Variants in MAP7 observed in about 807,000 individuals in gnomAD.
The protein encoded by MAP7 is microtubule associated protein 7.
MAP7 carries 52 observed loss-of-function variants against 94.8 expected under a neutral mutation model. The ratio of observed to expected loss-of-function variants is 0.55; its 90% confidence interval spans 0.44 to 0.69. The LOEUF (loss-of-function observed/expected upper bound fraction) is 0.69, where lower values mean the gene tolerates loss of function less well. Ranked by LOEUF, MAP7 falls within the 30% of genes least tolerant of loss-of-function variation. MAP7 has a pLI of 0.00. For synonymous variants in MAP7, 350 were observed against 357.0 expected, an observed-to-expected ratio of 0.98 and a Z score of 0.22; for missense variants, 940 against 964.6, an observed-to-expected ratio of 0.97 and a Z score of 0.34.
intron 1 of MAP7, among the ~76,000 whole-genome samples, chr6:136,469,039 T>C (rs2192): frequency 0.049 from 7,444 of 152,074 alleles, 251 homozygotes; most frequent in Non-Finnish European, 0.071. Context: ...GAAAAACAGC[T>C]GAATGACAAC....
At position 136,365,782 on chromosome 6, in the gene MAP7, T is replaced by G; in HGVS notation, c.1226A>C (p.Glu409Ala). 3.1e-6 allele frequency: 5 copies of G among 1,614,132 alleles called. No homozygotes were observed. Among genetic ancestry groups the G allele is most frequent in the Non-Finnish European group, 4.2e-6 (5 of 1,180,022 alleles). ...AGGTGTCCGCTCTTCAACTGTGGCT[T>G]CTTCTACCTTCACTAAAGGTGCTCT... Reference protein sequence around the residue: ...KGRAPLVKVEEATVEERTPAE... With the variant: ...KGRAPLVKVEAATVEERTPAE... Residue 409 changes from glutamate (E) to alanine (A), a missense_variant, in exon 10 of 18, where the codon GAA becomes GCA. Coordinates refer to ENST00000354570, the MANE Select transcript of MAP7 (RefSeq NM_003980.6).
intron 1 of MAP7, among the ~76,000 whole-genome samples, chr6:136,514,580 C>CAAAAAAAAAAAAAAA (rs1046225937): frequency 1.8e-4 from 9 of 49,050 alleles, no homozygotes; most frequent in African/African-American, 5.2e-4. Flanking sequence ...GACTCTGTCT[C>CAAAAAAAAAAAAAAA]AAAAAAAAAA....
intron 16 of MAP7, among the ~76,000 whole-genome samples, chr6:136,346,941 T>C (rs1787870712): frequency 1.3e-5 from 2 of 152,214 alleles, no homozygotes; most frequent in Non-Finnish European, 2.9e-5. Context: ...TAATTTCATA[T>C]GTAAATTTTT....
At position 136,343,956 on chromosome 6, in the gene MAP7, A is replaced by G. The variant is rs1169952548; in HGVS notation, c.*272T>C. 2.9e-5 allele frequency: 7 copies of G among 242,164 alleles called. No homozygotes were observed. Among genetic ancestry groups the G allele is most frequent in the Non-Finnish European group, 5.5e-5 (7 of 127,214 alleles). The allele number at this position is 242,164 out of a possible 1,614,324, so 15.0% of individuals were successfully genotyped here. A position where few individuals can be genotyped will look rare whatever the true frequency, so the allele number is the denominator to read the frequency against. ...AATTCTCTTGTCTTTTAAAGAATGC[A>G]GAAAAATATTGATTGCTAAGAAGGA... is the stretch of plus-strand genomic sequence containing the variant. On this transcript the variant is annotated 3_prime_UTR_variant, in exon 18 of 18. Coordinates refer to ENST00000354570, the MANE Select transcript of MAP7 (RefSeq NM_003980.6).
At chr6:136,383,819 A>T (rs374864642) in intron 5 of MAP7, 38 bp from the exon 6 acceptor site, 1 of 1,249,642 alleles carries the variant, frequency 8.0e-7, no homozygotes. Flanking sequence ...GACAGCCAAC[A>T]TGTAGGATTG....
intron 1 of MAP7, among the ~76,000 whole-genome samples, chr6:136,549,017 A>G (rs538722751): frequency 1.3e-5 from 2 of 152,380 alleles, no homozygotes; most frequent in Admixed American, 1.3e-4. Context: ...CCCTACAGGA[A>G]GGAGCATGAC....
At chr6:136,503,885 T>C (rs1437483479) in intron 1 of MAP7, among the ~76,000 whole-genome samples, 1 of 152,224 alleles carries the variant, frequency 6.6e-6, no homozygotes, top group Non-Finnish European at 1.5e-5. Flanking sequence ...TATATTTGCA[T>C]ATATGCTAAA....
chr6:136,387,874 AT>A (rs1779600628), intron 5 of MAP7, among the ~76,000 whole-genome samples: 1 of 152,194 alleles, frequency 6.6e-6, no homozygotes, highest in Admixed American at 6.5e-5. Flanking sequence ...TTTCAATATG[AT>A]TTTATGTCCA....
intron 1 of MAP7, among the ~76,000 whole-genome samples, chr6:136,467,297 G>T (rs1485814617): frequency 3.3e-5 from 5 of 152,202 alleles, no homozygotes; most frequent in Admixed American, 1.3e-4. Flanking sequence ...GGTTATGGCT[G>T]ATTTTGTTTC....
chr6:136,470,009 T>C (rs1211933378), intron 1 of MAP7, among the ~76,000 whole-genome samples: 4 of 151,336 alleles, frequency 2.6e-5, no homozygotes, highest in Admixed American at 1.3e-4. Flanking sequence ...GTTCTAACCC[T>C]GCTCTCTAGT....
chr6:136,509,069 G>A (rs756589236), intron 1 of MAP7, among the ~76,000 whole-genome samples: 1 of 152,184 alleles, frequency 6.6e-6, no homozygotes, highest in South Asian at 2.1e-4. Flanking sequence ...CTCTCATGAA[G>A]CATCTGTAGT....
At chr6:136,428,543 A>AAATG (rs1253311621) in intron 1 of MAP7, among the ~76,000 whole-genome samples, 1 of 152,024 alleles carries the variant, frequency 6.6e-6, no homozygotes, top group Non-Finnish European at 1.5e-5. Flanking sequence ...ATAAATAAAT[A>AAATG]AATAAAATAG....
At chr6:136,369,440 A>G (rs1795071358) in intron 8 of MAP7, among the ~76,000 whole-genome samples, 1 of 152,136 alleles carries the variant, frequency 6.6e-6, no homozygotes, top group Non-Finnish European at 1.5e-5. Flanking sequence ...TGGGCGTGGT[A>G]GCACATGCCT....
At chr6:136,373,849 G>A (rs1252364011) in intron 7 of MAP7, among the ~76,000 whole-genome samples, 1 of 152,182 alleles carries the variant, frequency 6.6e-6, no homozygotes, top group African/African-American at 2.4e-5. Flanking sequence ...TTATAGAGTT[G>A]AAAAAAGATT....
intron 15 of MAP7, among the ~76,000 whole-genome samples, chr6:136,358,654 G>T (rs1791659894): frequency 6.6e-6 from 1 of 152,106 alleles, no homozygotes; most frequent in Admixed American, 6.5e-5. Flanking sequence ...ATAAACCGTT[G>T]GATTTGATCT....
chr6:136,418,442 T>A (rs984412258), intron 2 of MAP7, among the ~76,000 whole-genome samples: 7 of 152,178 alleles, frequency 4.6e-5, no homozygotes, highest in Non-Finnish European at 1.0e-4. Flanking sequence ...CTCGAACTCC[T>A]GGCCTCAGGA....
intron 2 of MAP7, among the ~76,000 whole-genome samples, chr6:136,419,115 T>C (rs1562378866): frequency 6.6e-6 from 1 of 152,244 alleles, no homozygotes; most frequent in African/African-American, 2.4e-5. Context: ...CTATACACTG[T>C]GTGCAATCTC....
At chr6:136,428,390 C>T (rs1284529436) in intron 1 of MAP7, among the ~76,000 whole-genome samples, 2 of 152,034 alleles carry the variant, frequency 1.3e-5, no homozygotes, top group Non-Finnish European at 2.9e-5. Flanking sequence ...GTGGTGCACG[C>T]CTGTAATTAA....
intron 1 of MAP7, among the ~76,000 whole-genome samples, chr6:136,482,136 T>A (rs1209767209): frequency 2.6e-5 from 4 of 152,014 alleles, no homozygotes; most frequent in South Asian, 4.1e-4. Context: ...AGACGCTGGG[T>A]GAGTTTGCAG....
Sources: gnomAD v4.1 joint callset for allele counts (sites outside exome capture counted in the v4.1 genomes callset) on GRCh38, gnomAD v4.1.1 for gene constraint, MANE v1.5 for transcripts, NCBI Gene and HGNC (gene_info 2026-07-23, HGNC 2026-07-21) for gene names.